Variants in NAP1L4 observed in about 807,000 individuals in gnomAD.
The protein encoded by NAP1L4 is nucleosome assembly protein 1 like 4.
A neutral mutation model predicts 58.2 loss-of-function variants in NAP1L4; 15 were observed. That is an observed-to-expected ratio of 0.26 (90% CI 0.17 to 0.40). NAP1L4 has a LOEUF of 0.40. Among genes scored for constraint, NAP1L4 ranks in the 10% least tolerant of loss-of-function variants. The pLI, the probability that NAP1L4 is intolerant of heterozygous loss-of-function variation, is 1.00. For synonymous variants in NAP1L4, 171 were observed against 155.6 expected, an observed-to-expected ratio of 1.10 and a Z score of -0.74; for missense variants, 384 against 451.1, an observed-to-expected ratio of 0.85 and a Z score of 1.35.
intron 6 of NAP1L4, among the ~76,000 whole-genome samples, chr11:2,970,484 C>A (rs2133968838): frequency 6.6e-6 from 1 of 152,048 alleles, no homozygotes; most frequent in South Asian, 2.1e-4. Context: ...GCAACTTATC[C>A]AGCTTGTAAG....
chr11:2,962,151 G>GT (rs1202200396), intron 8 of NAP1L4, among the ~76,000 whole-genome samples: 1 of 152,214 alleles, frequency 6.6e-6, no homozygotes, highest in African/African-American at 2.4e-5. Context: ...TCTTTGACTG[G>GT]TAAGTACACT....
In NAP1L4 at chr11:2,990,768, G is replaced by T. The variant is rs1848915517; in HGVS notation, c.-18+1486C>A. 6 of 179,030 alleles carry T rather than the reference G, an allele frequency of 3.4e-5. No homozygotes were observed. In the South Asian group the frequency reaches 6.0e-4, roughly 18 times the overall value. The allele number at this position is 179,030 out of a possible 1,614,324, so 11.1% of individuals were successfully genotyped here. On this transcript the variant is annotated intron_variant, in intron 1 of 15. Coordinates refer to ENST00000380542, the MANE Select transcript of NAP1L4 (RefSeq NM_005969.4). ...AGAGTAGTTAAATGGAAAAACAATAGCATCTATCTCAGGTTATTAGATTAT... is the reference window on the plus strand; with the variant it reads ...AGAGTAGTTAAATGGAAAAACAATATCATCTATCTCAGGTTATTAGATTAT...
chr11:2,970,027 T>C (rs1847545376), intron 6 of NAP1L4, 93 bp from the exon 7 acceptor site: 3 of 1,327,458 alleles, frequency 2.3e-6, no homozygotes, highest in Non-Finnish European at 3.0e-6. Context: ...TCCTCTACTA[T>C]CTCCCATCAA....
chr11:2,963,234 TACAAAGAAAAAAC>T lies in NAP1L4; in HGVS notation c.606+1433_606+1445del, dbSNP rs551741884. Among the ~76,000 whole-genome samples the T allele has an allele frequency of 4.4e-4, 64 of 145,824 alleles. 1 individual carries two copies. In the East Asian group the frequency reaches 0.012, roughly 26 times the overall value. On this transcript the variant is annotated intron_variant, in intron 8 of 15. Coordinates refer to ENST00000380542, the MANE Select transcript of NAP1L4 (RefSeq NM_005969.4). ...GGATGAATCACAGGTAAGAAAGAAG[TACAAAGAAAAAAC>T]GCACAGAAACTTAAAGCACCGCACG... is the stretch of plus-strand genomic sequence containing the variant.
intron 15 of NAP1L4, 124 bp from the exon 16 acceptor site, chr11:2,945,770 A>C: frequency 1.4e-6 from 1 of 707,478 alleles, no homozygotes; most frequent in Non-Finnish European, 2.2e-6. Context: ...GGTTACTGCA[A>C]ATATACTTTT....
intron 7 of NAP1L4, among the ~76,000 whole-genome samples, chr11:2,966,804 C>A (rs1243687067): frequency 6.6e-6 from 1 of 152,166 alleles, no homozygotes; most frequent in Non-Finnish European, 1.5e-5. Flanking sequence ...ACTCATCCCA[C>A]TCAAAGACGC....
At chr11:2,952,573 T>C (rs767827643) in intron 12 of NAP1L4, 1 of 152,368 alleles carries the variant, frequency 6.6e-6, no homozygotes, top group Non-Finnish European at 1.5e-5. Flanking sequence ...AGAAGGGCCC[T>C]ACTGTGCTGG....
chr11:2,978,670 A>C (rs1479767885), intron 2 of NAP1L4, among the ~76,000 whole-genome samples: 2 of 152,178 alleles, frequency 1.3e-5, no homozygotes, highest in Non-Finnish European at 2.9e-5. Flanking sequence ...CAAACCCATC[A>C]ACCAACGAAC....
intron 7 of NAP1L4, 101 bp from the exon 8 acceptor site, chr11:2,964,852 A>C: frequency 1.2e-6 from 1 of 817,904 alleles, no homozygotes; most frequent in South Asian, 1.5e-5. Context: ...TTGCATAACT[A>C]GCCCTATTGG....
At chr11:2,965,886 C>T (rs1049044507) in intron 7 of NAP1L4, among the ~76,000 whole-genome samples, 7 of 152,202 alleles carry the variant, frequency 4.6e-5, no homozygotes, top group Non-Finnish European at 7.3e-5. Flanking sequence ...ATCCAACTTG[C>T]GGGCACCATG....
In NAP1L4 at chr11:2,945,403, A is replaced by G. The variant is rs1396072274; in HGVS notation, c.*276T>C. On this transcript the variant is annotated 3_prime_UTR_variant, in exon 16 of 16. Coordinates refer to ENST00000380542, the MANE Select transcript of NAP1L4 (RefSeq NM_005969.4). Reference sequence around the variant, plus strand: ...CAGAGGGTGCTGGACGAAACCTCCTATTTCTGAAATGCATTTCAGTTGCCA... The same window carrying G: ...CAGAGGGTGCTGGACGAAACCTCCTGTTTCTGAAATGCATTTCAGTTGCCA... The G allele has an allele frequency of 2.8e-5, 16 of 568,914 alleles. No individual in the cohort carries two copies. The highest frequency in any genetic ancestry group is 5.0e-5 in the Non-Finnish European group (16 of 321,350). 35.2% of individuals were successfully genotyped at this position (568,914 alleles called of 1,614,324 possible).
In NAP1L4 at chr11:2,971,528, C is replaced by A; in HGVS notation, c.322G>T (p.Glu108Ter). Reference sequence around the variant, plus strand: ...GGTTCAACATCGCCGGTGATAAATTCTCTTCTCTACATAAAAATGAGACCT... The same window carrying A: ...GGTTCAACATCGCCGGTGATAAATTATCTTCTCTACATAAAAATGAGACCT... ...LYQPLFDKRREFITGDVEPTD... is the reference protein window; with the variant it reads ...LYQPLFDKRR The change falls in exon 6 of 16, where the codon GAA (glutamate) becomes TAA (stop). Residue 108 changes from glutamate (E) to a stop codon, truncating the protein, a stop_gained. Coordinates refer to ENST00000380542, the MANE Select transcript of NAP1L4 (RefSeq NM_005969.4). LOFTEE classifies it high-confidence loss of function. The surrounding 1 kb of genome is among the most constrained non-coding windows in gnomAD (Gnocchi z 4.2). 1 of 1,613,182 alleles carries A rather than the reference C, an allele frequency of 6.2e-7. No individual in the cohort carries two copies. Among genetic ancestry groups the A allele is most frequent in the South Asian group, 1.1e-5 (1 of 91,060 alleles).
At position 2,949,277 on chromosome 11, in the gene NAP1L4, A is replaced by G; in HGVS notation, c.1123-13T>C. Reference sequence around the variant, plus strand: ...ACAAAAATTACACCTAAATGGGGAAAAAAATTGAAAGGAACTGTCAGCATG... The same window carrying G: ...ACAAAAATTACACCTAAATGGGGAAGAAAATTGAAAGGAACTGTCAGCATG... On this transcript the variant is annotated splice_polypyrimidine_tract_variant and intron_variant, in intron 14 of 15. Coordinates refer to ENST00000380542, the MANE Select transcript of NAP1L4 (RefSeq NM_005969.4). This position sits in a 1 kb window ranked among gnomAD's most constrained non-coding sequence, Gnocchi z 4.0. 6.3e-7 allele frequency: 1 copy of G among 1,590,192 alleles called. No homozygotes were observed. Among genetic ancestry groups the G allele is most frequent in the South Asian group, 1.1e-5 (1 of 90,524 alleles).
chr11:2,980,871 TTA>T (rs1848259922), intron 1 of NAP1L4, among the ~76,000 whole-genome samples: 1 of 152,068 alleles, frequency 6.6e-6, no homozygotes. Flanking sequence ...ACAACAAATA[TTA>T]CACATTGTCT....
chr11:2,984,813 CTT>C (rs1848531766), intron 1 of NAP1L4, among the ~76,000 whole-genome samples: 2 of 151,660 alleles, frequency 1.3e-5, no homozygotes, highest in South Asian at 4.2e-4. Flanking sequence ...GGCCAGGTCT[CTT>C]TTCACTTTTG....
At chr11:2,963,675 T>C in intron 8 of NAP1L4, 1 of 496,910 alleles carries the variant, frequency 2.0e-6, no homozygotes, top group South Asian at 1.5e-5. Context: ...GCCCCAGTGC[T>C]GAGATGGGGA....
Position 2,951,360 on chromosome 11 carries a change from C to A in NAP1L4, c.1066-45G>T. On this transcript the variant is annotated intron_variant, in intron 13 of 15. Coordinates refer to ENST00000380542, the MANE Select transcript of NAP1L4 (RefSeq NM_005969.4). The surrounding 1 kb of genome is among the most constrained non-coding windows in gnomAD (Gnocchi z 4.0). ...ATTAGCTGGAATGACAAGATTTAAA[C>A]TCTTGTGGCATTCACAATCCACAAA... The A allele has an allele frequency of 6.5e-7, 1 of 1,539,222 alleles. No individual in the cohort carries two copies. The highest frequency in any genetic ancestry group is 9.0e-7 in the Non-Finnish European group (1 of 1,112,426).
At position 2,964,706 on chromosome 11, in the gene NAP1L4, TCAC is replaced by T; in HGVS notation, c.577_579del (p.Val193del). On this transcript the variant is annotated inframe_deletion, in exon 8 of 16. Transcript: ENST00000380542. ...ATAGGCTGTCCAGGGTCAGAAAATTTCACTTTAATATCCTGCAGGTGTTTCAAG... is the reference window on the plus strand; with the variant it reads ...ATAGGCTGTCCAGGGTCAGAAAATTTTTTAATATCCTGCAGGTGTTTCAAG... The T allele has an allele frequency of 6.2e-7, 1 of 1,614,012 alleles. No individual in the cohort carries two copies. The highest frequency in any genetic ancestry group is 8.5e-7 in the Non-Finnish European group (1 of 1,179,932).
chr11:2,979,674 A>G (rs1478168739), intron 1 of NAP1L4, among the ~76,000 whole-genome samples: 2 of 152,140 alleles, frequency 1.3e-5, no homozygotes, highest in African/African-American at 4.8e-5. Flanking sequence ...CAGGAGGCTG[A>G]GGCAGAAGAA....
Sources: allele counts gnomAD v4.1 joint callset (sites outside exome capture counted in the v4.1 genomes callset), GRCh38; gene constraint gnomAD v4.1.1; non-coding constraint Gnocchi (gnomAD v3.1); transcripts MANE v1.5; gene names NCBI Gene and HGNC (gene_info 2026-07-23, HGNC 2026-07-21).